The following NRXN1 variants were observed in gnomAD, a reference collection of about 807,000 sequenced individuals.
The protein encoded by NRXN1 is neurexin 1.
Under a neutral mutation model 150.9 loss-of-function variants are expected in NRXN1, and 39 were observed. That is an observed-to-expected ratio of 0.26 (90% CI 0.20 to 0.34). The LOEUF is 0.34. Ranked by LOEUF, NRXN1 falls within the 10% of genes least tolerant of loss-of-function variation. NRXN1 has a pLI of 1.00. For missense variants in NRXN1, 1,815 were observed against 1,949.9 expected (o/e 0.93, Z 1.30); for synonymous variants, 924 against 757.0 (o/e 1.22, Z -3.62).
At chr2:49,952,404 C>G (rs909763743) in intron 21 of NRXN1, among the ~76,000 whole-genome samples, 1 of 151,942 alleles carries the variant, frequency 6.6e-6, no homozygotes, top group African/African-American at 2.4e-5. Context: ...TCATGTAACA[C>G]TAAAAGGGGA....
At chr2:50,886,695 T>C (rs574532998) in intron 5 of NRXN1, among the ~76,000 whole-genome samples, 4 of 151,410 alleles carry the variant, frequency 2.6e-5, no homozygotes, top group Admixed American at 6.6e-5. Flanking sequence ...AATATGTCCA[T>C]CTGAGAAACA....
At chr2:50,625,267 T>C (rs1680810095) in intron 5 of NRXN1, among the ~76,000 whole-genome samples, 1 of 152,092 alleles carries the variant, frequency 6.6e-6, no homozygotes, top group East Asian at 1.9e-4. Context: ...AAAATGGCCA[T>C]CAGTGGCTAC....
intron 5 of NRXN1, among the ~76,000 whole-genome samples, chr2:50,798,833 C>T (rs1234644143): frequency 6.6e-6 from 1 of 152,038 alleles, no homozygotes; most frequent in African/African-American, 2.4e-5. Context: ...AAATTTTAAC[C>T]TTTAATATCA....
At chr2:50,571,733 GA>G (rs908863183) in intron 8 of NRXN1, among the ~76,000 whole-genome samples, 3 of 151,864 alleles carry the variant, frequency 2.0e-5, no homozygotes, top group African/African-American at 7.3e-5. Context: ...GTATATTGCA[GA>G]AAAGCAAATA....
At chr2:50,518,168 C>T (rs1411729916) in intron 12 of NRXN1, among the ~76,000 whole-genome samples, 1 of 151,920 alleles carries the variant, frequency 6.6e-6, no homozygotes, top group African/African-American at 2.4e-5. Flanking sequence ...ACATTTACAA[C>T]ACAGTAAAAA....
At chr2:50,097,831 G>A (rs1237404355) in intron 18 of NRXN1, among the ~76,000 whole-genome samples, 1 of 152,036 alleles carries the variant, frequency 6.6e-6, no homozygotes, top group Non-Finnish European at 1.5e-5. Context: ...TAGAGGCAGG[G>A]TTTTTCCATG....
chr2:50,539,528 A>AC, intron 9 of NRXN1, among the ~76,000 whole-genome samples: 1 of 152,262 alleles, frequency 6.6e-6, no homozygotes, highest in Admixed American at 6.5e-5. Flanking sequence ...ATCTATGAAA[A>AC]AAAAAGAAAG....
Position 50,024,851 on chromosome 2 carries a change from C to T in NRXN1, c.4128+28420G>A, listed in dbSNP as rs373601907. On this transcript the variant is annotated intron_variant, in intron 21 of 22. Coordinates refer to ENST00000401669, the MANE Select transcript of NRXN1 (RefSeq NM_001330078.2). The stretch of plus-strand genomic sequence containing the variant: ...CAGGTTGGTCTCGAACTCCTGACCT[C>T]ATGATCTGCCCACCTCAGCCTCCCA... Among the ~76,000 whole-genome samples, 258 of 152,214 alleles carry T rather than the reference C, an allele frequency of 1.7e-3. 3 individuals carry two copies. Among genetic ancestry groups the T allele is most frequent in the African/African-American group, 6.1e-3 (252 of 41,532 alleles).
intron 17 of NRXN1, among the ~76,000 whole-genome samples, chr2:50,405,310 T>C (rs565674755): frequency 1.3e-5 from 2 of 152,172 alleles, no homozygotes; most frequent in Non-Finnish European, 1.5e-5. Flanking sequence ...TAAAAATTTG[T>C]TCAAGATTGG....
chr2:50,423,699 G>C (rs1012793104), intron 17 of NRXN1, among the ~76,000 whole-genome samples: 1 of 151,960 alleles, frequency 6.6e-6, no homozygotes, highest in Admixed American at 6.6e-5. Flanking sequence ...TCCTGTGTTG[G>C]AGGTTATAAT....
intron 5 of NRXN1, among the ~76,000 whole-genome samples, chr2:50,791,125 GTT>G (rs535114226): frequency 7.6e-6 from 1 of 131,974 alleles, no homozygotes; most frequent in South Asian, 2.6e-4. Flanking sequence ...CAATCAAAAT[GTT>G]TTTTTTTTTT....
chr2:50,394,879 T>G (rs1419669719), intron 17 of NRXN1, among the ~76,000 whole-genome samples: 1 of 152,008 alleles, frequency 6.6e-6, no homozygotes, highest in Non-Finnish European at 1.5e-5. Context: ...TACCCAGGTC[T>G]TCTTATTCTT....
Position 50,507,976 on chromosome 2 carries a change from C to T in NRXN1, c.2375-1359G>A, listed in dbSNP as rs148687637. On this transcript the variant is annotated intron_variant, in intron 12 of 22. Coordinates refer to ENST00000401669, the MANE Select transcript of NRXN1 (RefSeq NM_001330078.2). ...GAGGATATATGAGAAAGTAAAGATA[C>T]AGGCCAAGGAGAAGAAGAAAAAAAA... is the stretch of plus-strand genomic sequence containing the variant. Among the ~76,000 whole-genome samples the T allele has an allele frequency of 6.9e-3, 1,041 of 150,772 alleles. 18 individuals are homozygous for T. Among genetic ancestry groups the T allele is most frequent in the African/African-American group, 0.024 (1,004 of 41,008 alleles).
chr2:50,572,057 T>G (rs1403429784), intron 8 of NRXN1, among the ~76,000 whole-genome samples: 1 of 152,126 alleles, frequency 6.6e-6, no homozygotes, highest in Non-Finnish European at 1.5e-5. Context: ...CCCCAAAGAC[T>G]CTGGCGGGTT....
At chr2:50,617,643 T>C (rs1414956663) in intron 8 of NRXN1, among the ~76,000 whole-genome samples, 1 of 152,182 alleles carries the variant, frequency 6.6e-6, no homozygotes, top group Admixed American at 6.6e-5. Context: ...GAGTGAATTG[T>C]ATCCAAACCC....
At position 50,620,163 on chromosome 2, in the gene NRXN1, C is replaced by G. The variant is rs200528030; in HGVS notation, c.1179G>C (p.Gly393=). Residue 393 remains glycine (G), a synonymous_variant, in exon 8 of 23, where the codon GGG becomes GGC. Coordinates refer to ENST00000401669, the MANE Select transcript of NRXN1 (RefSeq NM_001330078.2). ...GHAMVTISVD[G]ILTTTGYTQE... is the part of the protein sequence containing the mutation. ...GCGTGTAGCCCGTTGTGGTAAGAAT[C>G]CCATCCACTGATATTGTCACCTAGA... The G allele has an allele frequency of 1.2e-6, 2 of 1,613,408 alleles. No homozygotes were observed. Among genetic ancestry groups the G allele is most frequent in the African/African-American group, 2.7e-5 (2 of 75,018 alleles).
At chr2:50,904,769 T>C (rs1256475583) in intron 5 of NRXN1, among the ~76,000 whole-genome samples, 1 of 152,138 alleles carries the variant, frequency 6.6e-6, no homozygotes, top group East Asian at 1.9e-4. Context: ...TTCATTATAA[T>C]CTCTATCCTG....
At chr2:50,810,826 A>T (rs2105760875) in intron 5 of NRXN1, among the ~76,000 whole-genome samples, 1 of 152,180 alleles carries the variant, frequency 6.6e-6, no homozygotes, top group Non-Finnish European at 1.5e-5. Flanking sequence ...CCAAAATACA[A>T]AAAATGAGCC....
At chr2:49,972,625 T>C (rs1438622073) in intron 21 of NRXN1, 1 of 152,190 alleles carries the variant, frequency 6.6e-6, no homozygotes, top group Admixed American at 6.5e-5. Context: ...TTTCCTGAGC[T>C]TGGCAAAGAG....
Sources: allele counts gnomAD v4.1 joint callset (sites outside exome capture counted in the v4.1 genomes callset), GRCh38; gene constraint gnomAD v4.1.1; transcripts MANE v1.5; gene names NCBI Gene and HGNC (gene_info 2026-07-23, HGNC 2026-07-21).